SORCS1: variants seen among roughly 807,000 people sequenced by gnomAD.
The protein encoded by SORCS1 is sortilin related VPS10 domain containing receptor 1.
A neutral mutation model predicts 146.1 loss-of-function variants in SORCS1; 60 were observed. The ratio of observed to expected loss-of-function variants is 0.41; its 90% CI spans 0.33 to 0.51. The LOEUF is 0.51. Among genes scored for constraint, SORCS1 ranks in the 20% least tolerant of loss-of-function variants. The probability of loss-of-function intolerance (pLI) is 0.21; values close to 1 mark genes in which losing one functional copy is unlikely to be tolerated. For synonymous variants in SORCS1, 637 were observed against 584.0 expected (o/e 1.09, Z -1.31); for missense variants, 1,352 against 1,487.6 (o/e 0.91, Z 1.50).
chr10:107,095,138 A>G (rs1964459630), intron 1 of SORCS1, among the ~76,000 whole-genome samples: 1 of 152,176 alleles, frequency 6.6e-6, no homozygotes, highest in South Asian at 2.1e-4. Context: ...GTTAGAGTAA[A>G]TGGCCCAAGC....
intron 1 of SORCS1, among the ~76,000 whole-genome samples, chr10:106,957,685 A>T (rs1398932415): frequency 6.6e-6 from 1 of 152,182 alleles, no homozygotes; most frequent in Non-Finnish European, 1.5e-5. Flanking sequence ...AGAAACAGAG[A>T]AAATCAAAAA....
chr10:106,935,090 AAAAAG>A (rs1402804520), intron 2 of SORCS1, among the ~76,000 whole-genome samples: 9 of 151,780 alleles, frequency 5.9e-5, no homozygotes, highest in African/African-American at 2.2e-4. Flanking sequence ...TACAAATAAA[AAAAAG>A]AAAAGAAAAT....
In SORCS1 at chr10:106,817,339, T is replaced by C. The variant is rs1448449966; in HGVS notation, c.726+12235A>G. ...GCATCCACAATTAAAGTTGTAGTTA[T>C]TCTTGTTCAAGGGAATTTGGGCCCT... On this transcript the variant is annotated intron_variant, in intron 3 of 25. Transcript: ENST00000263054. Among the ~76,000 whole-genome samples, 3 of 152,206 alleles carry C rather than the reference T, an allele frequency of 2.0e-5. No individual in the cohort carries two copies. In the East Asian group the frequency reaches 5.8e-4, roughly 29 times the overall value.
At chr10:106,974,178 G>A (rs369351487) in intron 1 of SORCS1, among the ~76,000 whole-genome samples, 7 of 152,310 alleles carry the variant, frequency 4.6e-5, no homozygotes, top group African/African-American at 1.7e-4. Context: ...TGGGGCCTAA[G>A]TGATGGGGAT....
At chr10:106,672,020 A>C (rs1851644859) in intron 15 of SORCS1, among the ~76,000 whole-genome samples, 1 of 152,322 alleles carries the variant, frequency 6.6e-6, no homozygotes, top group Non-Finnish European at 1.5e-5. Context: ...CAGCTAACGC[A>C]GGGCCCACTA....
chr10:106,625,050 C>T (rs530460976), intron 19 of SORCS1, among the ~76,000 whole-genome samples: 22 of 152,308 alleles, frequency 1.4e-4, no homozygotes, highest in Non-Finnish European at 2.9e-4. Context: ...CAGTAGGTGG[C>T]GCTGCATCAT....
chr10:107,165,284 C>CGTGT (rs1424930240), upstream of SORCS1, among the ~76,000 whole-genome samples: 2 of 72,982 alleles, frequency 2.7e-5, no homozygotes, highest in Admixed American at 1.3e-4. This position sits in a 1 kb window ranked among gnomAD's most constrained non-coding sequence, Gnocchi z 4.0. Flanking sequence ...TAAATGATCT[C>CGTGT]GTGTGTGAGT....
At chr10:106,705,782 C>A (rs906380454) in intron 8 of SORCS1, among the ~76,000 whole-genome samples, 3 of 152,190 alleles carry the variant, frequency 2.0e-5, no homozygotes, top group Non-Finnish European at 2.9e-5. Flanking sequence ...TCCATATTAA[C>A]GCAGTTCTTC....
rs1015367098 is a variant in SORCS1, at chr10:106,862,390, A to G, written c.627-32717T>C. 4.6e-5 allele frequency among the ~76,000 whole-genome samples: 7 copies of G among 152,186 alleles called. 1 individual carries two copies. The highest frequency in any genetic ancestry group is 7.2e-5 in the African/African-American group (3 of 41,444). ...GCATATCATTACAATGTCTTTTAAT[A>G]TCACCATTTATTTTGTCCCTACCCA... On this transcript the variant is annotated intron_variant, in intron 2 of 25. Coordinates refer to ENST00000263054, the MANE Select transcript of SORCS1 (RefSeq NM_052918.5).
chr10:107,037,987 C>T (rs1226380668), intron 1 of SORCS1, among the ~76,000 whole-genome samples: 1 of 152,126 alleles, frequency 6.6e-6, no homozygotes, highest in East Asian at 1.9e-4. Flanking sequence ...CCACCAGGTC[C>T]TGCTAGTTTT....
chr10:106,808,518 T>C (rs553961946), intron 3 of SORCS1, among the ~76,000 whole-genome samples: 4 of 152,048 alleles, frequency 2.6e-5, no homozygotes, highest in African/African-American at 9.7e-5. Context: ...TATTTATTTA[T>C]GTGAGGCGGA....
At chr10:107,175,083 A>T in the SORCS1 span, among the ~76,000 whole-genome samples, 1 of 152,284 alleles carries the variant, frequency 6.6e-6, no homozygotes. Context: ...TGTGAAGCTA[A>T]TTTTACCTTC....
intron 1 of SORCS1, among the ~76,000 whole-genome samples, chr10:107,007,689 T>C (rs2139693795): frequency 6.6e-6 from 1 of 152,332 alleles, no homozygotes; most frequent in Non-Finnish European, 1.5e-5. Flanking sequence ...TCTGGATGAA[T>C]CTTTAGAAAA....
chr10:106,680,888 T>C (rs776350519), intron 10 of SORCS1, among the ~76,000 whole-genome samples: 17 of 152,038 alleles, frequency 1.1e-4, no homozygotes, highest in Non-Finnish European at 1.8e-4. Context: ...ATGGAGTAAA[T>C]GACAAAGTGA....
At chr10:106,583,499 T>G (rs1306717961) in intron 24 of SORCS1, among the ~76,000 whole-genome samples, 1 of 151,944 alleles carries the variant, frequency 6.6e-6, no homozygotes, top group Admixed American at 6.6e-5. Context: ...TTGCTGCAGT[T>G]TTTTCGTTTT....
At chr10:106,794,565 C>T (rs185448740) in intron 3 of SORCS1, among the ~76,000 whole-genome samples, 4 of 148,412 alleles carry the variant, frequency 2.7e-5, no homozygotes, top group African/African-American at 7.5e-5. Context: ...TGCAGTGGCA[C>T]GATCTCGGCT....
upstream of SORCS1, among the ~76,000 whole-genome samples, chr10:107,169,235 TC>T (rs1243068257): frequency 1.3e-5 from 2 of 152,180 alleles, no homozygotes; most frequent in Non-Finnish European, 2.9e-5. Context: ...AATATTTGGC[TC>T]CCCTTGGATA....
intron 6 of SORCS1, among the ~76,000 whole-genome samples, chr10:106,717,506 T>C (rs1589727259): frequency 6.6e-6 from 1 of 152,362 alleles, no homozygotes; most frequent in Non-Finnish European, 1.5e-5. Context: ...TGATTTAGCA[T>C]TGCTTTCTTC....
chr10:107,008,205 T>G (rs1450220668), intron 1 of SORCS1, among the ~76,000 whole-genome samples: 1 of 152,180 alleles, frequency 6.6e-6, no homozygotes, highest in African/African-American at 2.4e-5. Context: ...GAGTTGCCAG[T>G]ATTTTTCATA....
Sources: allele counts gnomAD v4.1 joint callset (sites outside exome capture counted in the v4.1 genomes callset), GRCh38; gene constraint gnomAD v4.1.1; non-coding constraint Gnocchi (gnomAD v3.1); transcripts MANE v1.5; gene names NCBI Gene and HGNC (gene_info 2026-07-23, HGNC 2026-07-21).